The following DNMBP variants were observed in gnomAD, a reference collection of about 807,000 sequenced individuals.
DNMBP encodes dynamin binding protein.
Under a neutral mutation model 150.0 loss-of-function variants are expected in DNMBP, and 87 were observed. The ratio of observed to expected loss-of-function variants is 0.58; its 90% CI spans 0.49 to 0.69. The LOEUF (loss-of-function observed/expected upper bound fraction) is 0.69. DNMBP is among the 30% of genes least tolerant of loss of function. The probability of loss-of-function intolerance (pLI) is 0.00; values close to 1 mark genes in which losing one functional copy is unlikely to be tolerated. For synonymous variants in DNMBP, 711 were observed against 750.4 expected (o/e 0.95, Z 0.86); for missense variants, 1,774 against 1,949.0 (o/e 0.91, Z 1.69).
intron 9 of DNMBP, among the ~76,000 whole-genome samples, chr10:99,897,065 T>C (rs1318898318): frequency 1.3e-5 from 2 of 152,106 alleles, no homozygotes; most frequent in Non-Finnish European, 2.9e-5. Context: ...ACAGTTGAAG[T>C]AGAAGGCAGA....
intron 11 of DNMBP, among the ~76,000 whole-genome samples, chr10:99,893,537 C>T (rs1433254740): frequency 1.3e-5 from 2 of 152,184 alleles, no homozygotes; most frequent in Non-Finnish European, 2.9e-5. Context: ...AGATCGACAC[C>T]ATCCTGGCCA....
intron 4 of DNMBP, among the ~76,000 whole-genome samples, chr10:99,922,609 C>T (rs1004463383): frequency 1.4e-5 from 2 of 146,286 alleles, no homozygotes; most frequent in Non-Finnish European, 3.0e-5. Context: ...CTCAACTTCC[C>T]GGGCTCAAGC....
At chr10:99,904,400 C>A (rs2039792380) in intron 6 of DNMBP, among the ~76,000 whole-genome samples, 1 of 152,088 alleles carries the variant, frequency 6.6e-6, no homozygotes, top group Non-Finnish European at 1.5e-5. Flanking sequence ...TGACCATGTA[C>A]CCAGAGTCTC....
At position 99,956,494 on chromosome 10, in the gene DNMBP, C is replaced by T. The variant is rs1198462671; in HGVS notation, c.980G>A (p.Cys327Tyr). The change falls in exon 4 of 17, where the codon TGT becomes TAT. Residue 327 changes from cysteine to tyrosine, a missense_variant. Cys to Tyr is a radical substitution (Grantham distance 194). Coordinates refer to ENST00000324109, the MANE Select transcript of DNMBP (RefSeq NM_015221.4). ...CTCTACTCCTAAGGTGTTCTCCAAA[C>T]AATCCAAAGAAGTTTCCGGGATCCT... is the stretch of plus-strand genomic sequence containing the variant. ...LARIPETSLD[C>Y]LENTLGVEEQ... The T allele has an allele frequency of 3.1e-6, 5 of 1,614,010 alleles. No homozygotes were observed. The highest frequency in any genetic ancestry group is 2.2e-5 in the East Asian group (1 of 44,898).
intron 1 of DNMBP, among the ~76,000 whole-genome samples, chr10:99,996,701 T>C (rs1272371880): frequency 1.3e-5 from 2 of 152,234 alleles, no homozygotes; most frequent in African/African-American, 4.8e-5. Context: ...TCTTGACTTA[T>C]TAACCATTTG....
At chr10:99,939,176 T>C (rs1186493761) in intron 4 of DNMBP, among the ~76,000 whole-genome samples, 1 of 152,074 alleles carries the variant, frequency 6.6e-6, no homozygotes, top group African/African-American at 2.4e-5. Context: ...GATTCCTCTG[T>C]GACTGCCCAT....
Position 99,888,839 on chromosome 10 carries a change from G to C in DNMBP, c.3271C>G (p.Leu1091Val). ...AAGTTACTTACAAAGTTTGTGAAGAGCTGGTCACTGATGTAGCGATGCACC... is the reference window on the plus strand; with the variant it reads ...AAGTTACTTACAAAGTTTGTGAAGACCTGGTCACTGATGTAGCGATGCACC... ...ERVHRYISDQ[L>V]FTNFKERTER... Residue 1091 changes from leucine to valine, a missense_variant, in exon 12 of 17, where the codon CTC becomes GTC. Leu to Val is a conservative substitution (Grantham distance 32, BLOSUM62 1). This residue lies in a region of DNMBP where 1,430 missense variants were observed against 1,492.5 expected (regional missense o/e 0.96). Transcript: ENST00000324109. 6.2e-7 allele frequency: 1 copy of C among 1,614,128 alleles called. No individual in the cohort carries two copies. The highest frequency in any genetic ancestry group is 8.5e-7 in the Non-Finnish European group (1 of 1,180,004).
intron 4 of DNMBP, among the ~76,000 whole-genome samples, chr10:99,918,606 G>A (rs1288736996): frequency 3.0e-5 from 4 of 133,508 alleles, no homozygotes; most frequent in Admixed American, 8.7e-5. Flanking sequence ...TCTCACTGTC[G>A]CCCAGGCTAG....
At chr10:100,006,290 C>T (rs2041070311) in intron 1 of DNMBP, among the ~76,000 whole-genome samples, 1 of 152,198 alleles carries the variant, frequency 6.6e-6, no homozygotes, top group Non-Finnish European at 1.5e-5. Context: ...GTTTTCAGGT[C>T]ATCTGAAGCG....
rs765069315 is a variant in DNMBP at position 99,898,714 on chromosome 10, C to T, written c.2720+29G>A. The T allele has an allele frequency of 1.2e-5, 20 of 1,611,926 alleles. No individual in the cohort carries two copies. The East Asian group carries it at 3.8e-4, about 31-fold the overall frequency. On this transcript the variant is annotated intron_variant, in intron 8 of 16. Coordinates refer to ENST00000324109, the MANE Select transcript of DNMBP (RefSeq NM_015221.4). Reference sequence around the variant, plus strand: ...AGGAAAAATCCACAGAAGAAATGAGCGCATACATCAAGCAGCAATGGAACT... The same window carrying T: ...AGGAAAAATCCACAGAAGAAATGAGTGCATACATCAAGCAGCAATGGAACT...
intron 1 of DNMBP, among the ~76,000 whole-genome samples, chr10:100,004,438 A>T (rs939067923): frequency 6.6e-6 from 1 of 152,096 alleles, no homozygotes; most frequent in East Asian, 1.9e-4. Flanking sequence ...TAGAGCAATT[A>T]AAAAAATGAA....
rs751851016 is a variant in DNMBP at position 99,898,289 on chromosome 10, TA to T, written c.2721-5del. 6.2e-7 allele frequency: 1 copy of T among 1,610,406 alleles called. No homozygotes were observed. Among genetic ancestry groups the T allele is most frequent in the Non-Finnish European group, 8.5e-7 (1 of 1,176,986 alleles). ...GTTAATATAATTTGTGCATCCCCTG[TA>T]AGAGAAGGAAAAAAGACTTTAGTAA... On this transcript the variant is annotated splice_polypyrimidine_tract_variant and splice_region_variant and intron_variant, in intron 8 of 16. Coordinates refer to ENST00000324109, the MANE Select transcript of DNMBP (RefSeq NM_015221.4).
intron 1 of DNMBP, among the ~76,000 whole-genome samples, chr10:99,984,736 C>T (rs1221994589): frequency 6.6e-6 from 1 of 152,108 alleles, no homozygotes; most frequent in East Asian, 1.9e-4. Flanking sequence ...TACCTTTCAA[C>T]CTATTTTTTT....
chr10:99,994,835 G>A (rs901082661), intron 1 of DNMBP, among the ~76,000 whole-genome samples: 1 of 152,126 alleles, frequency 6.6e-6, no homozygotes, highest in African/African-American at 2.4e-5. Flanking sequence ...TGGGGCTCCT[G>A]CAATAGCTTC....
chr10:99,882,507 C>T (rs2039384255), intron 15 of DNMBP, among the ~76,000 whole-genome samples: 1 of 152,140 alleles, frequency 6.6e-6, no homozygotes, highest in African/African-American at 2.4e-5. Flanking sequence ...TTGCTTGAGC[C>T]TGGGAGGTGG....
At chr10:99,930,492 C>G in intron 4 of DNMBP, 1 of 703,036 alleles carries the variant, frequency 1.4e-6, no homozygotes. Context: ...GTGGTACACA[C>G]AGCCCTTTCC....
chr10:99,998,233 CA>C (rs112662710), intron 1 of DNMBP, among the ~76,000 whole-genome samples: 89 of 130,416 alleles, frequency 6.8e-4, no homozygotes, highest in Admixed American at 9.5e-4. Context: ...GACTCCGTCT[CA>C]AAAAAAAAAA....
intron 4 of DNMBP, among the ~76,000 whole-genome samples, chr10:99,917,554 T>C (rs1173357040): frequency 6.6e-6 from 1 of 152,066 alleles, no homozygotes; most frequent in East Asian, 1.9e-4. Flanking sequence ...GAACATTTGC[T>C]GTAAAACGAG....
intron 4 of DNMBP, among the ~76,000 whole-genome samples, chr10:99,943,717 T>C (rs2040327534): frequency 6.6e-6 from 1 of 152,214 alleles, no homozygotes; most frequent in South Asian, 2.1e-4. Flanking sequence ...AAATAATTCT[T>C]ATACCTAAGG....
Sources: allele counts gnomAD v4.1 joint callset (sites outside exome capture counted in the v4.1 genomes callset), GRCh38; gene constraint gnomAD v4.1.1; regional missense constraint gnomAD v4.1.1; transcripts MANE v1.5; gene names NCBI Gene and HGNC (gene_info 2026-07-23, HGNC 2026-07-21).